USP35: variants seen among roughly 807,000 people sequenced by gnomAD.
USP35 encodes the protein ubiquitin carboxyl-terminal hydrolase 35.
A neutral mutation model predicts 83.8 loss-of-function variants in USP35; 69 were observed. The observed-to-expected ratio is 0.82, with a 90% confidence interval of 0.68 to 1.01. The LOEUF (loss-of-function observed/expected upper bound fraction) is 1.01, where lower values mean the gene tolerates loss of function less well. USP35 is among the 50% of genes least tolerant of loss of function. The pLI is 0.00. For missense variants in USP35, 1,503 were observed against 1,362.5 expected (o/e 1.10, Z -1.62); for synonymous variants, 714 against 589.5 (o/e 1.21, Z -3.06).
At chr11:78,201,181 C>T (rs950876518) in intron 6 of USP35, among the ~76,000 whole-genome samples, 1 of 152,238 alleles carries the variant, frequency 6.6e-6, no homozygotes, top group Non-Finnish European at 1.5e-5. Context: ...CCTGATCACT[C>T]TCAGTACTCC....
In USP35 at chr11:78,196,186, CTT is replaced by C; in HGVS notation, c.-10-49_-10-48del. The C allele has an allele frequency of 4.6e-6, 7 of 1,528,514 alleles. No homozygotes were observed. The highest frequency in any genetic ancestry group is 6.1e-6 in the Non-Finnish European group (7 of 1,148,488). The allele number at this position is 1,528,514 out of a possible 1,614,324, so 94.7% of individuals were successfully genotyped here. On this transcript the variant is annotated intron_variant, in intron 1 of 10. Transcript: ENST00000529308. The surrounding 1 kb of genome is among the most constrained non-coding windows in gnomAD (Gnocchi z 4.8). ...GCACTCGGGGACTGCACCGGGAACTCTTGAGCCCCGCGGTTGTCGGGCTGTGA... is the reference window on the plus strand; with the variant it reads ...GCACTCGGGGACTGCACCGGGAACTCGAGCCCCGCGGTTGTCGGGCTGTGA...
chr11:78,205,569 T>C (rs1863504937), intron 6 of USP35, among the ~76,000 whole-genome samples: 1 of 152,222 alleles, frequency 6.6e-6, no homozygotes, highest in Non-Finnish European at 1.5e-5. Context: ...ATTTTCTCTG[T>C]CTGAATCTTC....
At chr11:78,206,984 C>A (rs1863548339) in intron 7 of USP35, among the ~76,000 whole-genome samples, 1 of 152,204 alleles carries the variant, frequency 6.6e-6, no homozygotes, top group South Asian at 2.1e-4. Context: ...CCTCTGCCTC[C>A]CTCATTGGAA....
chr11:78,226,926 T>A, the USP35 span: 124 of 1,613,884 alleles, frequency 7.7e-5, no homozygotes, highest in East Asian at 1.7e-3. Context: ...GGGAAGGCTA[T>A]AGAAGCCATG....
downstream of USP35, among the ~76,000 whole-genome samples, chr11:78,220,063 G>A (rs530096999): frequency 5.9e-5 from 9 of 152,262 alleles, no homozygotes; most frequent in African/African-American, 1.9e-4. Context: ...GCACTCATTT[G>A]CCCATCTCTA....
At chr11:78,189,179 G>A (rs1376412862) in intron 1 of USP35, 22 bp downstream of exon 1, 1 of 160,130 alleles carries the variant, frequency 6.2e-6, no homozygotes, top group Non-Finnish European at 1.3e-5. Context: ...GGGGGCGTGT[G>A]ACTGTCTTTG....
chr11:78,199,820 C>T, intron 4 of USP35, 96 bp downstream of exon 4: 3 of 1,577,518 alleles, frequency 1.9e-6, no homozygotes, highest in South Asian at 1.2e-5. Flanking sequence ...TTGGGCCTAC[C>T]CACCAAGCTC....
At chr11:78,215,754 A>C (rs1415510002), downstream of USP35, 1 of 147,956 alleles carries the variant, frequency 6.8e-6, no homozygotes, top group Non-Finnish European at 1.5e-5. Context: ...CAGCAGGGCT[A>C]GTCCCAGAAA....
chr11:78,226,780 G>A, the USP35 span: 2 of 1,614,022 alleles, frequency 1.2e-6, no homozygotes, highest in Non-Finnish European at 1.7e-6. Context: ...GTGTTGCTGG[G>A]CGTCTTGAAG....
At chr11:78,212,101 G>C (rs550258540) in intron 10 of USP35, among the ~76,000 whole-genome samples, 1 of 152,090 alleles carries the variant, frequency 6.6e-6, no homozygotes, top group Non-Finnish European at 1.5e-5. Context: ...TTAATCCATC[G>C]AGTGAATTTT....
chr11:78,226,862 G>C, the USP35 span: 8 of 1,614,132 alleles, frequency 5.0e-6, no homozygotes, highest in Non-Finnish European at 6.8e-6. Context: ...AGGCCAGGCT[G>C]CGGGGGAGGT....
In USP35 at chr11:78,214,683, TAAATAAATAAAAG is replaced by T. The variant is rs1008298937; in HGVS notation, c.*871_*883del. 1 of 152,084 alleles carries T rather than the reference TAAATAAATAAAAG, an allele frequency of 6.6e-6. No homozygotes were observed. Among genetic ancestry groups the T allele is most frequent in the Non-Finnish European group, 1.5e-5 (1 of 68,024 alleles). The allele number at this position is 152,084 out of a possible 1,614,324, so 9.4% of individuals were successfully genotyped here. On this transcript the variant is annotated 3_prime_UTR_variant, in exon 11 of 11. Transcript: ENST00000529308. ...AAGACAAGACAGACACCCATGTTCA[TAAATAAATAAAAG>T]TAAGCCTAAGCAAGAGATTGTTCTT... is the stretch of plus-strand genomic sequence containing the variant.
intron 3 of USP35, 69 bp from the exon 4 acceptor site, chr11:78,199,526 C>A: frequency 6.2e-7 from 1 of 1,605,336 alleles, no homozygotes; most frequent in Non-Finnish European, 8.5e-7. Context: ...ACGGATAGCC[C>A]CTGGGCTGCC....
the USP35 span, chr11:78,225,327 A>C: frequency 6.4e-6 from 4 of 622,522 alleles, no homozygotes; most frequent in African/African-American, 3.7e-5. Flanking sequence ...TCAACCCCAA[A>C]TGATAAGGAA....
intron 10 of USP35, among the ~76,000 whole-genome samples, chr11:78,213,312 G>C (rs753002776): frequency 1.3e-5 from 2 of 152,122 alleles, no homozygotes; most frequent in African/African-American, 2.4e-5. Context: ...CCCATTCCTC[G>C]TGATCATGAG....
chr11:78,197,229 CGGGGGAGGTGGGGGGGG>C (rs1863180088), intron 2 of USP35, among the ~76,000 whole-genome samples: 1 of 286 alleles, frequency 3.5e-3, no homozygotes, highest in Admixed American at 0.036. Context: ...GGATTTGGGG[CGGGGGAGGTGGGGGGGG>C]GGGTCATTAT....
At chr11:78,236,804 C>A in the USP35 span, among the ~76,000 whole-genome samples, 6 of 151,622 alleles carry the variant, frequency 4.0e-5, no homozygotes, top group African/African-American at 1.5e-4. Context: ...ACCAACCTTA[C>A]ACTCCTGGGA....
the USP35 span, among the ~76,000 whole-genome samples, chr11:78,233,040 GTTTTT>G: frequency 6.1e-5 from 8 of 131,986 alleles, no homozygotes; most frequent in East Asian, 1.9e-3. Flanking sequence ...GCACTGTTAA[GTTTTT>G]TTTTTTTTTT....
At chr11:78,227,441 G>A in the USP35 span, among the ~76,000 whole-genome samples, 2 of 152,134 alleles carry the variant, frequency 1.3e-5, no homozygotes, top group Non-Finnish European at 2.9e-5. Context: ...ACCTCTCTGA[G>A]TCTATTCTGC....
Sources: allele counts gnomAD v4.1 joint callset (sites outside exome capture counted in the v4.1 genomes callset), GRCh38; gene constraint gnomAD v4.1.1; non-coding constraint Gnocchi (gnomAD v3.1); transcripts MANE v1.5; gene names NCBI Gene and HGNC (gene_info 2026-07-23, HGNC 2026-07-21).